RBM25: variants seen among roughly 807,000 people sequenced by gnomAD.
RBM25 encodes the protein RNA binding motif protein 25, also known as RNA-binding protein 25.
Under a neutral mutation model 120.7 loss-of-function variants are expected in RBM25, and 19 were observed. The observed-to-expected ratio is 0.16, with a 90% CI of 0.11 to 0.23. RBM25 has a LOEUF of 0.23. Ranked by LOEUF, RBM25 falls within the 10% of genes least tolerant of loss-of-function variation. The pLI is 1.00. For missense variants in RBM25, 605 were observed against 1,041.5 expected (o/e 0.58, Z 5.77); for synonymous variants, 390 against 326.7 (o/e 1.19, Z -2.09).
chr14:73,094,288 T>A (rs1353393813), intron 6 of RBM25, among the ~76,000 whole-genome samples: 8 of 151,520 alleles, frequency 5.3e-5, no homozygotes, highest in South Asian at 2.1e-4. Context: ...GTTTTTTTTT[T>A]AAATATTAGC....
At chr14:73,072,385 A>G (rs1032413185) in intron 2 of RBM25, among the ~76,000 whole-genome samples, 9 of 152,146 alleles carry the variant, frequency 5.9e-5, no homozygotes, top group African/African-American at 2.2e-4. Flanking sequence ...CATAACTGCT[A>G]TTGCTATCCC....
chr14:73,106,067 G>A lies in RBM25; in HGVS notation c.1363G>A (p.Ala455Thr), dbSNP rs1389684192. Residue 455 changes from alanine to threonine, a missense_variant, in exon 11 of 19, where the codon GCT becomes ACT. This residue lies in a region of RBM25 where 465 missense variants were observed against 741.6 expected (regional missense o/e 0.63). Transcript: ENST00000261973. ...KLERKLREKE[A>T]AYQERLKNWE... is the part of the protein sequence containing the mutation. ...TGAAAGAAAACTCCGAGAGAAAGAAGCTGCTTATCAAGAGGTAAGTTGAGA... is the reference window on the plus strand; with the variant it reads ...TGAAAGAAAACTCCGAGAGAAAGAAACTGCTTATCAAGAGGTAAGTTGAGA... 1.2e-6 allele frequency: 2 copies of A among 1,608,252 alleles called. No homozygotes were observed. The highest frequency in any genetic ancestry group is 2.2e-5 in the South Asian group (2 of 89,792).
intron 13 of RBM25, 21 bp downstream of exon 13, chr14:73,107,920 G>A: frequency 6.6e-7 from 1 of 1,516,446 alleles, no homozygotes; most frequent in Non-Finnish European, 9.0e-7. Flanking sequence ...CTTGTTCTGT[G>A]GATTCATACT....
chr14:73,096,944 C>G lies in RBM25; in HGVS notation c.573C>G (p.Asp191Glu), dbSNP rs370349915. ...GNARPETVTN[D>E]DEEALDEETK... is the part of the protein sequence containing the mutation. ...CAAGGCCAGAAACTGTCACTAATGA[C>G]GATGAAGAAGCCTTGGATGAAGAAA... is the stretch of plus-strand genomic sequence containing the variant. Residue 191 changes from aspartate (D) to glutamate (E), a missense_variant, in exon 7 of 19, where the codon GAC becomes GAG. Physicochemically the swap from Asp to Glu is conservative, Grantham distance 45. Around this residue, in one of 4 missense-constraint regions of RBM25, gnomAD observed 465 missense variants for 741.6 expected, o/e 0.63. Coordinates refer to ENST00000261973, the MANE Select transcript of RBM25 (RefSeq NM_021239.3). 1.3e-4 allele frequency: 202 copies of G among 1,612,346 alleles called. 2 individuals are homozygous for G. In the Admixed American group the frequency reaches 3.4e-3, roughly 27 times the overall value.
chr14:73,117,582 C>T (rs1453932478), intron 18 of RBM25, among the ~76,000 whole-genome samples: 7 of 152,142 alleles, frequency 4.6e-5, no homozygotes, highest in African/African-American at 1.7e-4. Context: ...GTTGTCAGAG[C>T]ACTTAACTAC....
intron 1 of RBM25, among the ~76,000 whole-genome samples, chr14:73,066,390 C>T (rs1895133873): frequency 6.6e-6 from 1 of 152,128 alleles, no homozygotes; most frequent in African/African-American, 2.4e-5. Context: ...AATCCCAGCA[C>T]TTTGGGAGGC....
intron 7 of RBM25, among the ~76,000 whole-genome samples, chr14:73,098,733 TC>T (rs1271648807): frequency 6.6e-6 from 1 of 150,908 alleles, no homozygotes; most frequent in Non-Finnish European, 1.5e-5. Context: ...AAGCTCTGCC[TC>T]CCGGGTTCAA....
chr14:73,076,613 A>G (rs946168316), intron 3 of RBM25, among the ~76,000 whole-genome samples: 1 of 152,178 alleles, frequency 6.6e-6, no homozygotes, highest in African/African-American at 2.4e-5. Flanking sequence ...GTTACTATCT[A>G]GACTCTTCAT....
At chr14:73,113,246 A>G (rs1896352509) in intron 17 of RBM25, among the ~76,000 whole-genome samples, 1 of 151,850 alleles carries the variant, frequency 6.6e-6, no homozygotes, top group South Asian at 2.1e-4. Context: ...GGTTTACACC[A>G]GGCTAATTTT....
At chr14:73,084,667 C>G (rs1469465966) in intron 5 of RBM25, among the ~76,000 whole-genome samples, 1 of 151,792 alleles carries the variant, frequency 6.6e-6, no homozygotes, top group Non-Finnish European at 1.5e-5. Flanking sequence ...ATTCTCCTGC[C>G]CCAGCCTCCC....
rs761136455 is a variant in RBM25, at chr14:73,110,896, G to GGAA, written c.1765_1767dup (p.Glu589dup). On this transcript the variant is annotated inframe_insertion, in exon 15 of 19. Coordinates refer to ENST00000261973, the MANE Select transcript of RBM25 (RefSeq NM_021239.3). ...AGCAAGAGCCAGAATCAGAAGAGGA[G>GGAA]GAAGAAGAAAAGCAAGAAAAAGAAG... The GGAA allele has an allele frequency of 6.2e-7, 1 of 1,613,106 alleles. No individual in the cohort carries two copies. Among genetic ancestry groups the GGAA allele is most frequent in the South Asian group, 1.1e-5 (1 of 90,956 alleles).
At chr14:73,110,184 C>CTT (rs758173357) in intron 14 of RBM25, among the ~76,000 whole-genome samples, 2 of 139,910 alleles carry the variant, frequency 1.4e-5, no homozygotes, top group Admixed American at 7.2e-5. Flanking sequence ...CGTGCCCGGC[C>CTT]TTTTTTTTTT....
rs1325064663 is a variant in RBM25 at position 73,098,825 on chromosome 14, A to G, written c.730-555A>G. ...CGCCCAGCTACTTTTTTGTATTTTT[A>G]ATAGAGATGGGTTTCACTGTGTTAG... On this transcript the variant is annotated intron_variant, in intron 7 of 18. Transcript: ENST00000261973. Among the ~76,000 whole-genome samples, 6 of 152,050 alleles carry G rather than the reference A, an allele frequency of 3.9e-5. No individual in the cohort carries two copies. The East Asian group carries it at 1.2e-3, about 29-fold the overall frequency.
chr14:73,080,213 CTTTTTTTTTTTT>C lies in RBM25; in HGVS notation c.324+2694_324+2705del, dbSNP rs766461418. 3.9e-3 allele frequency among the ~76,000 whole-genome samples: 264 copies of C among 67,202 alleles called. 4 individuals carry two copies. The highest frequency in any genetic ancestry group is 0.013 in the African/African-American group (210 of 15,810). 44.1% of individuals were successfully genotyped at this position (67,202 alleles called of 152,430 possible). A position where few individuals can be genotyped will look rare whatever the true frequency, so the allele number is the denominator to read the frequency against. On this transcript the variant is annotated intron_variant, in intron 4 of 18. Coordinates refer to ENST00000261973, the MANE Select transcript of RBM25 (RefSeq NM_021239.3). ...TGTCCGAGTTTCTATTCTTACACAT[CTTTTTTTTTTTT>C]TTTTTTTTTTTTTTTTGAGATGGAG...
At chr14:73,104,627 A>G (rs951032596) in intron 10 of RBM25, among the ~76,000 whole-genome samples, 1 of 152,042 alleles carries the variant, frequency 6.6e-6, no homozygotes, top group South Asian at 2.1e-4. Context: ...TCAGCCTCCC[A>G]AAGTGCTGGG....
intron 4 of RBM25, among the ~76,000 whole-genome samples, chr14:73,080,213 C>CTTTTTTTTTTTTTTTTTTTTTTTTTTTT (rs766461418): frequency 1.5e-5 from 1 of 67,178 alleles, no homozygotes; most frequent in African/African-American, 6.3e-5. Flanking sequence ...TCTTACACAT[C>CTTTTTTTTTTTTTTTTTTTTTTTTTTTT]TTTTTTTTTT....
Position 73,111,144 on chromosome 14 carries a change from G to A in RBM25, c.2006G>A (p.Ser669Asn). ...PEEHRPKIGL[S>N]LKLGASNSPG... ...GAGCATAGGCCAAAAATAGGACTAAGTCTTAAACTGGGTACGTTAGCATTT... is the reference window on the plus strand; with the variant it reads ...GAGCATAGGCCAAAAATAGGACTAAATCTTAAACTGGGTACGTTAGCATTT... Residue 669 changes from serine (S) to asparagine (N), a missense_variant, in exon 15 of 19, where the codon AGT becomes AAT. Physicochemically the swap from Ser to Asn is conservative, Grantham distance 46 (BLOSUM62 1). Transcript: ENST00000261973. The A allele has an allele frequency of 6.2e-7, 1 of 1,605,448 alleles. No individual in the cohort carries two copies. The highest frequency in any genetic ancestry group is 8.5e-7 in the Non-Finnish European group (1 of 1,172,428).
In RBM25 at chr14:73,106,370, T is replaced by TGC; in HGVS notation, c.1467+86_1467+87insCG. The TGC allele has an allele frequency of 7.5e-6, 8 of 1,068,190 alleles. No homozygotes were observed. The East Asian group carries it at 2.1e-4, about 28-fold the overall frequency. The allele number at this position is 1,068,190 out of a possible 1,614,324, so 66.2% of individuals were successfully genotyped here. On this transcript the variant is annotated intron_variant, in intron 12 of 18. Coordinates refer to ENST00000261973, the MANE Select transcript of RBM25 (RefSeq NM_021239.3). The stretch of plus-strand genomic sequence containing the variant: ...TGCTAACTACAAGTAACTTAATAAT[T>TGC]GAAATGCACAAGCTTCTCTATTCAT...
chr14:73,110,725 G>A, intron 14 of RBM25, 106 bp from the exon 15 acceptor site: 1 of 1,366,158 alleles, frequency 7.3e-7, no homozygotes, highest in South Asian at 1.5e-5. Flanking sequence ...CACCATACCT[G>A]GCCTTTTCTC....
Sources: allele counts gnomAD v4.1 joint callset (sites outside exome capture counted in the v4.1 genomes callset), GRCh38; gene constraint gnomAD v4.1.1; regional missense constraint gnomAD v4.1.1; transcripts MANE v1.5; gene names NCBI Gene and HGNC (gene_info 2026-07-23, HGNC 2026-07-21).